Variants in EDC3 observed in about 807,000 individuals in gnomAD.
EDC3 encodes the protein enhancer of mRNA decapping 3.
EDC3 carries 20 observed loss-of-function variants against 41.8 expected under a neutral mutation model. The ratio of observed to expected loss-of-function variants is 0.48; its 90% CI spans 0.34 to 0.70. The LOEUF (loss-of-function observed/expected upper bound fraction) is 0.70, where lower values mean the gene tolerates loss of function less well. Ranked by LOEUF, EDC3 falls within the 30% of genes least tolerant of loss-of-function variation. The probability of loss-of-function intolerance (pLI) is 0.01; values close to 1 mark genes in which losing one functional copy is unlikely to be tolerated. For missense variants in EDC3, 444 were observed against 636.8 expected (o/e 0.70, Z 3.26); for synonymous variants, 206 against 243.2 (o/e 0.85, Z 1.42).
chr15:74,691,596 C>T (rs2063008368), intron 1 of EDC3, among the ~76,000 whole-genome samples: 1 of 152,136 alleles, frequency 6.6e-6, no homozygotes. Context: ...AGGGGGTACA[C>T]AAAGATATGC....
At chr15:74,684,778 T>C (rs2062916954) in intron 1 of EDC3, among the ~76,000 whole-genome samples, 1 of 152,034 alleles carries the variant, frequency 6.6e-6, no homozygotes, top group Non-Finnish European at 1.5e-5. Context: ...GGATATATGC[T>C]CGATGTAGAA....
intron 4 of EDC3, chr15:74,644,099 G>A (rs1323676180): frequency 6.6e-6 from 1 of 152,166 alleles, no homozygotes. Context: ...GTTCTCTGAA[G>A]GAAGGATTTG....
At chr15:74,668,400 A>G (rs2062701070) in intron 3 of EDC3, among the ~76,000 whole-genome samples, 1 of 152,220 alleles carries the variant, frequency 6.6e-6, no homozygotes, top group African/African-American at 2.4e-5. Flanking sequence ...AACGGGGAAA[A>G]ATGTGTAGAA....
chr15:74,635,258 A>G, intron 6 of EDC3, 151 bp downstream of exon 6: 1 of 734,748 alleles, frequency 1.4e-6, no homozygotes, highest in Non-Finnish European at 2.4e-6. Flanking sequence ...GATGGGAAGT[A>G]GTATATTACT....
rs576669065 is a variant in EDC3 at position 74,660,347 on chromosome 15, T to C, written c.485-4279A>G. ...GGAACCCAGGAGGTGGAGGTTGCAG[T>C]GAGCTGAGATCAAGATTGCGCCACT... On this transcript the variant is annotated intron_variant, in intron 3 of 6. Coordinates refer to ENST00000315127, the MANE Select transcript of EDC3 (RefSeq NM_025083.5). Among the ~76,000 whole-genome samples the C allele has an allele frequency of 7.9e-5, 12 of 151,732 alleles. No individual in the cohort carries two copies. In the East Asian group the frequency reaches 2.1e-3, roughly 27 times the overall value.
intron 1 of EDC3, among the ~76,000 whole-genome samples, chr15:74,681,176 C>G (rs139725755): frequency 6.6e-6 from 1 of 151,962 alleles, no homozygotes; most frequent in Non-Finnish European, 1.5e-5. Flanking sequence ...TTTTTTGAGA[C>G]GGAGACTCAC....
At chr15:74,658,862 C>T (rs2062585623) in intron 3 of EDC3, among the ~76,000 whole-genome samples, 1 of 152,064 alleles carries the variant, frequency 6.6e-6, no homozygotes, top group Non-Finnish European at 1.5e-5. Context: ...ATTGCTTGAA[C>T]CCAGGAGGCG....
chr15:74,638,321 C>T (rs971575109), intron 5 of EDC3: 1 of 146,932 alleles, frequency 6.8e-6, no homozygotes, highest in Non-Finnish European at 1.5e-5. Context: ...TTCTGAACTT[C>T]AGATCTTTTT....
intron 3 of EDC3, among the ~76,000 whole-genome samples, chr15:74,667,513 GCA>G: frequency 4.0e-5 from 1 of 25,118 alleles, no homozygotes; most frequent in Non-Finnish European, 1.1e-4. Context: ...AGCAGCAGCA[GCA>G]GTAGTAGTAG....
intron 4 of EDC3, chr15:74,643,812 TCTCA>T (rs2062381915): frequency 6.6e-6 from 1 of 152,136 alleles, no homozygotes; most frequent in Non-Finnish European, 1.5e-5. Context: ...AACTCAATCC[TCTCA>T]CTGATTGGCC....
Position 74,668,392 on chromosome 15 carries a change from C to G in EDC3, c.484+3063G>C, listed in dbSNP as rs185124851. On this transcript the variant is annotated intron_variant, in intron 3 of 6. Transcript: ENST00000315127. ...CCATACAAATGTAAGACGTTAATAA[C>G]GGGGAAAAATGTGTAGAAAAAAATA... Among the ~76,000 whole-genome samples the G allele has an allele frequency of 2.9e-3, 434 of 152,056 alleles. 5 individuals carry two copies. Among genetic ancestry groups the G allele is most frequent in the East Asian group, 0.024 (126 of 5,188 alleles).
chr15:74,680,827 T>C (rs1039562210), intron 1 of EDC3, among the ~76,000 whole-genome samples: 2 of 152,094 alleles, frequency 1.3e-5, no homozygotes, highest in African/African-American at 4.8e-5. Context: ...TATTTCAGTA[T>C]ATTAGCAATG....
chr15:74,655,600 T>C lies in EDC3; in HGVS notation c.820+133A>G, dbSNP rs930407813. On this transcript the variant is annotated intron_variant, in intron 4 of 6. Transcript: ENST00000315127. The stretch of plus-strand genomic sequence containing the variant: ...GGCTGCAATCCCCAAGAGACAATAA[T>C]ACCGGGCCAGCCACCAAGCCACTTA... 7.0e-5 allele frequency: 61 copies of C among 868,478 alleles called. 1 individual carries two copies. The South Asian group carries it at 1.0e-3, about 14-fold the overall frequency. 53.8% of individuals were successfully genotyped at this position (868,478 alleles called of 1,614,324 possible).
intron 3 of EDC3, among the ~76,000 whole-genome samples, chr15:74,664,640 A>G (rs1312968547): frequency 6.6e-6 from 1 of 152,238 alleles, no homozygotes. Context: ...AACAGGCATC[A>G]TGAGAAGGTG....
intron 5 of EDC3, chr15:74,637,059 T>G (rs528941111): frequency 2.0e-5 from 3 of 152,350 alleles, no homozygotes; most frequent in Admixed American, 2.0e-4. Context: ...TGAGCCACAG[T>G]GTGCTTATCC....
intron 4 of EDC3, among the ~76,000 whole-genome samples, chr15:74,653,804 A>G (rs762763685): frequency 2.6e-5 from 4 of 152,212 alleles, no homozygotes; most frequent in Non-Finnish European, 4.4e-5. Context: ...CAGAGTGTGT[A>G]GCAGAAAAAA....
At chr15:74,691,022 CTG>C (rs2063001691) in intron 1 of EDC3, among the ~76,000 whole-genome samples, 1 of 151,888 alleles carries the variant, frequency 6.6e-6, no homozygotes, top group Non-Finnish European at 1.5e-5. Context: ...TGGCAAAACT[CTG>C]TCTCTAGAAA....
At chr15:74,668,555 A>G (rs1250746911) in intron 3 of EDC3, among the ~76,000 whole-genome samples, 1 of 152,144 alleles carries the variant, frequency 6.6e-6, no homozygotes, top group Non-Finnish European at 1.5e-5. Flanking sequence ...CCTTGTCTCT[A>G]CTAAAAGTAA....
In EDC3 at chr15:74,666,104, T is replaced by TTA. The variant is rs764359830; in HGVS notation, c.484+5349_484+5350dup. ...TAAGCCACCACACCCGGCCGACAGA[T>TTA]TATATTTCTATAGCTTCATCAATCT... On this transcript the variant is annotated intron_variant, in intron 3 of 6. Coordinates refer to ENST00000315127, the MANE Select transcript of EDC3 (RefSeq NM_025083.5). Among the ~76,000 whole-genome samples the TTA allele has an allele frequency of 7.4e-3, 1,132 of 152,270 alleles. 15 individuals carry two copies. The highest frequency in any genetic ancestry group is 0.026 in the African/African-American group (1,097 of 41,544).
Sources: gnomAD v4.1 joint callset for allele counts (sites outside exome capture counted in the v4.1 genomes callset) on GRCh38, gnomAD v4.1.1 for gene constraint, MANE v1.5 for transcripts, NCBI Gene and HGNC (gene_info 2026-07-23, HGNC 2026-07-21) for gene names.